POLGARF: variants seen among roughly 807,000 people sequenced by gnomAD.
POLGARF encodes the protein POLG alternative reading frame.
the POLGARF span, chr15:89,333,422 C>A: frequency 3.1e-6 from 5 of 1,607,524 alleles, no homozygotes; most frequent in East Asian, 2.2e-5. Context: ...GCCCCCAGAG[C>A]CCGTGCTTCT....
the POLGARF span, chr15:89,330,317 T>G: frequency 6.7e-7 from 1 of 1,495,678 alleles, no homozygotes; most frequent in Non-Finnish European, 9.2e-7. Flanking sequence ...CATGGAGACA[T>G]TAAACTTCCA....
the POLGARF span, chr15:89,332,950 A>C: frequency 1.4e-5 from 15 of 1,077,354 alleles, no homozygotes; most frequent in South Asian, 2.0e-4. Context: ...GTCCCACATA[A>C]ACAGGGGTCT....
chr15:89,332,632 C>T, the POLGARF span, among the ~76,000 whole-genome samples: 1 of 150,748 alleles, frequency 6.6e-6, no homozygotes, highest in East Asian at 2.0e-4. Flanking sequence ...GTTGGTCTGG[C>T]GTTTATGGGA....
chr15:89,331,226 A>C, the POLGARF span, among the ~76,000 whole-genome samples: 1 of 152,228 alleles, frequency 6.6e-6, no homozygotes, highest in Non-Finnish European at 1.5e-5. Context: ...AGAGGTTCCT[A>C]GTTTTAAACC....
At chr15:89,333,765 G>A in the POLGARF span, 3 of 1,535,048 alleles carry the variant, frequency 2.0e-6, no homozygotes, top group Non-Finnish European at 2.6e-6. Flanking sequence ...GGTTGGTGCA[G>A]GGACCCCCAC....
the POLGARF span, among the ~76,000 whole-genome samples, chr15:89,330,685 G>A: frequency 6.6e-6 from 1 of 151,242 alleles, no homozygotes; most frequent in African/African-American, 2.4e-5. Flanking sequence ...ACTAGTAAAG[G>A]AGATAGACAA....
the POLGARF span, chr15:89,330,351 T>C: frequency 4.5e-6 from 5 of 1,122,122 alleles, no homozygotes; most frequent in Admixed American, 9.6e-5. Flanking sequence ...ACTGCACACC[T>C]ACCGCCACAT....
chr15:89,331,868 C>G, the POLGARF span, among the ~76,000 whole-genome samples: 1 of 151,734 alleles, frequency 6.6e-6, no homozygotes, highest in Non-Finnish European at 1.5e-5. Context: ...TAAGCAATGC[C>G]CCGAGTACCA....
chr15:89,330,356 C>A, the POLGARF span: 11 of 1,098,346 alleles, frequency 1.0e-5, no homozygotes, highest in Non-Finnish European at 1.5e-5. Context: ...ACACCTACCG[C>A]CACATGCCAG....
chr15:89,330,510 G>A, the POLGARF span, among the ~76,000 whole-genome samples: 1 of 152,174 alleles, frequency 6.6e-6, no homozygotes, highest in Non-Finnish European at 1.5e-5. Context: ...ACATAAAAAT[G>A]GAACTACTGG....
the POLGARF span, among the ~76,000 whole-genome samples, chr15:89,331,486 GAAAC>G: frequency 5.3e-5 from 8 of 152,314 alleles, no homozygotes; most frequent in Admixed American, 2.0e-4. Flanking sequence ...TGATTAAAAA[GAAAC>G]AAGCCAAATT....
the POLGARF span, chr15:89,333,399 G>A: frequency 1.9e-6 from 3 of 1,598,978 alleles, no homozygotes; most frequent in Non-Finnish European, 2.6e-6. Flanking sequence ...GTCGGGCAAG[G>A]GCACGGCTGG....
chr15:89,332,660 A>G, the POLGARF span, among the ~76,000 whole-genome samples: 9 of 152,050 alleles, frequency 5.9e-5, no homozygotes, highest in Non-Finnish European at 1.2e-4. Flanking sequence ...GGGATGCTAA[A>G]TGTCCTATAC....
At chr15:89,331,463 T>C in the POLGARF span, among the ~76,000 whole-genome samples, 1 of 152,262 alleles carries the variant, frequency 6.6e-6, no homozygotes, top group Non-Finnish European at 1.5e-5. Context: ...CATGAAGCCA[T>C]ATTATAAACT....
chr15:89,333,688 C>G, the POLGARF span: 3 of 1,544,718 alleles, frequency 1.9e-6, no homozygotes, highest in Non-Finnish European at 2.6e-6. Flanking sequence ...ACCCAGCGCC[C>G]CGGAGCTGGA....
At chr15:89,331,376 T>C in the POLGARF span, among the ~76,000 whole-genome samples, 2 of 152,098 alleles carry the variant, frequency 1.3e-5, no homozygotes, top group East Asian at 3.9e-4. Context: ...GCCAAATCTT[T>C]GAGGCCATGG....
the POLGARF span, chr15:89,332,462 A>G: frequency 6.6e-6 from 1 of 152,184 alleles, no homozygotes; most frequent in African/African-American, 2.4e-5. Context: ...AAGTTATTTA[A>G]AAAGAAAAGA....
chr15:89,330,283 G>A, the POLGARF span: 38 of 1,607,422 alleles, frequency 2.4e-5, no homozygotes, highest in East Asian at 4.5e-5. Context: ...ATACCTGAGG[G>A]AGGTGAGAGG....
the POLGARF span, among the ~76,000 whole-genome samples, chr15:89,332,726 T>A: frequency 6.6e-6 from 1 of 152,112 alleles, no homozygotes; most frequent in African/African-American, 2.4e-5. Context: ...AATTAATAGC[T>A]CCCCAAATAG....
Sources: gnomAD v4.1 joint callset for allele counts (sites outside exome capture counted in the v4.1 genomes callset) on GRCh38, gnomAD v4.1.1 for gene constraint, MANE v1.5 for transcripts, NCBI Gene and HGNC (gene_info 2026-07-23, HGNC 2026-07-21) for gene names.